The following ERG variants were observed in gnomAD, a reference collection of about 807,000 sequenced individuals.
ERG encodes ETS transcription factor ERG.
ERG carries 9 observed loss-of-function variants against 55.3 expected under a neutral mutation model. The observed-to-expected ratio is 0.16, with a 90% CI of 0.10 to 0.28. The LOEUF (loss-of-function observed/expected upper bound fraction) is 0.28, where lower values mean the gene tolerates loss of function less well. Ranked by LOEUF, ERG falls within the 10% of genes least tolerant of loss-of-function variation. ERG has a pLI of 1.00. For synonymous variants in ERG, 223 were observed against 237.3 expected, an observed-to-expected ratio of 0.94 and a Z score of 0.55; for missense variants, 434 against 631.6, an observed-to-expected ratio of 0.69 and a Z score of 3.35.
At chr21:38,512,074 C>T (rs976209033) in intron 2 of ERG, among the ~76,000 whole-genome samples, 3 of 152,222 alleles carry the variant, frequency 2.0e-5, no homozygotes, top group Admixed American at 6.5e-5. Flanking sequence ...GATAGATTGA[C>T]CTGAAAAAAT....
At chr21:38,367,467 T>A in the ERG span, among the ~76,000 whole-genome samples, 5 of 152,152 alleles carry the variant, frequency 3.3e-5, no homozygotes, top group African/African-American at 4.8e-5. Flanking sequence ...ACAGGAGGCT[T>A]CATTTCCTCA....
intron 1 of ERG, among the ~76,000 whole-genome samples, chr21:38,457,050 C>A (rs888633211): frequency 6.6e-6 from 1 of 152,176 alleles, no homozygotes; most frequent in Non-Finnish European, 1.5e-5. Flanking sequence ...GGAGAGCAAT[C>A]CCTCCAACAA....
chr21:38,503,335 T>G (rs2059435168), upstream of ERG, among the ~76,000 whole-genome samples: 2 of 151,968 alleles, frequency 1.3e-5, no homozygotes, highest in Non-Finnish European at 2.9e-5. Context: ...AAATGCCTGT[T>G]CTTTTTTAAA....
rs560171049 is a variant in ERG at position 38,418,636 on chromosome 21, C to T, written c.388+4774G>A. ...GTGGTTCTGACCATACTTTGAAAAA[C>T]ACTTTCTAGGCCAGGCGTGGTGGTT... On this transcript the variant is annotated intron_variant, in intron 3 of 9. Coordinates refer to ENST00000288319, the MANE Select transcript of ERG (RefSeq NM_182918.4). Among the ~76,000 whole-genome samples, 5 of 151,730 alleles carry T rather than the reference C, an allele frequency of 3.3e-5. No individual in the cohort carries two copies. The South Asian group carries it at 8.4e-4, about 26-fold the overall frequency.
chr21:38,628,324 C>T (rs920416324), intron 1 of ERG, among the ~76,000 whole-genome samples: 2 of 152,056 alleles, frequency 1.3e-5, no homozygotes, highest in Non-Finnish European at 2.9e-5. Context: ...TCATTAGAAA[C>T]AAAGACCACA....
At position 38,460,250 on chromosome 21, in the gene ERG, C is replaced by A. The variant is rs1169695388; in HGVS notation, c.19-14629G>T. On this transcript the variant is annotated intron_variant, in intron 1 of 9. Coordinates refer to ENST00000288319, the MANE Select transcript of ERG (RefSeq NM_182918.4). This position sits in a 1 kb window ranked among gnomAD's most constrained non-coding sequence, Gnocchi z 5.0. ...GCGAAAGAAAGAACCAGGAGGTGAA[C>A]CAGGAAAGGCTGGGGGTGGTAGAGC... Among the ~76,000 whole-genome samples, 2 of 152,066 alleles carry A rather than the reference C, an allele frequency of 1.3e-5. No individual in the cohort carries two copies. The highest frequency in any genetic ancestry group is 2.9e-5 in the Non-Finnish European group (2 of 68,010).
chr21:38,615,698 G>A (rs538674378), intron 1 of ERG, among the ~76,000 whole-genome samples: 3 of 151,262 alleles, frequency 2.0e-5, no homozygotes, highest in Non-Finnish European at 4.4e-5. Context: ...TATTTAGAGT[G>A]TCTGGCAGTG....
chr21:38,435,625 C>A (rs1455002966), intron 2 of ERG, among the ~76,000 whole-genome samples: 1 of 152,210 alleles, frequency 6.6e-6, no homozygotes, highest in Non-Finnish European at 1.5e-5. Context: ...AAAGTCACCA[C>A]CAGCTCACCA....
At chr21:38,480,723 A>C (rs949584753) in intron 1 of ERG, among the ~76,000 whole-genome samples, 13 of 150,820 alleles carry the variant, frequency 8.6e-5, no homozygotes, top group African/African-American at 3.2e-4. Context: ...AGTAATACTA[A>C]TTTTGCAAAA....
intron 1 of ERG, chr21:38,575,853 C>G: frequency 1.2e-6 from 1 of 845,728 alleles, no homozygotes; most frequent in Non-Finnish European, 1.9e-6. Context: ...AGAATCATAG[C>G]TTTACATTAA....
chr21:38,445,189 T>C (rs2058879969), intron 2 of ERG, among the ~76,000 whole-genome samples: 1 of 149,966 alleles, frequency 6.7e-6, no homozygotes, highest in African/African-American at 2.5e-5. Flanking sequence ...TCGCCCAGGC[T>C]GGAGTGCAGT....
chr21:38,593,846 T>C (rs1215474497), intron 1 of ERG, among the ~76,000 whole-genome samples: 2 of 152,184 alleles, frequency 1.3e-5, no homozygotes, highest in Admixed American at 1.3e-4. Context: ...TTAGATAAAA[T>C]TTATTCTTTC....
chr21:38,566,956 C>T (rs1257679361), intron 2 of ERG, among the ~76,000 whole-genome samples: 4 of 152,198 alleles, frequency 2.6e-5, no homozygotes, highest in African/African-American at 9.7e-5. Context: ...CAACTTCCAC[C>T]CATTCTCCTG....
chr21:38,446,935 C>A, intron 1 of ERG, among the ~76,000 whole-genome samples: 1 of 151,992 alleles, frequency 6.6e-6, no homozygotes, highest in Admixed American at 6.6e-5. Flanking sequence ...CATTTTTTTC[C>A]TTTGGGACAT....
At chr21:38,593,902 CA>C (rs1439138809) in intron 1 of ERG, among the ~76,000 whole-genome samples, 2 of 151,856 alleles carry the variant, frequency 1.3e-5, no homozygotes, top group African/African-American at 4.8e-5. Flanking sequence ...TATAGAGAGG[CA>C]GATAGAGGTG....
chr21:38,564,592 T>C (rs1219736630), intron 2 of ERG, among the ~76,000 whole-genome samples: 2 of 152,122 alleles, frequency 1.3e-5, no homozygotes, highest in Admixed American at 6.5e-5. Flanking sequence ...TCTCTCTTTT[T>C]TTTTGTTCAT....
chr21:38,469,391 T>C lies in ERG; in HGVS notation c.19-23770A>G, dbSNP rs145908081. ...CATTACCTGAAAAATTCCCATCTGT[T>C]TGGATGCAAACTTCACAGAAACTCT... On this transcript the variant is annotated intron_variant, in intron 1 of 9. Transcript: ENST00000288319. Among the ~76,000 whole-genome samples the C allele has an allele frequency of 6.7e-3, 1,025 of 152,302 alleles. 6 individuals are homozygous for C. Among genetic ancestry groups the C allele is most frequent in the Non-Finnish European group, 8.7e-3 (593 of 68,024 alleles).
intron 1 of ERG, among the ~76,000 whole-genome samples, chr21:38,449,967 G>A (rs1477051598): frequency 2.0e-5 from 3 of 151,980 alleles, no homozygotes; most frequent in East Asian, 1.9e-4. Flanking sequence ...TAGGCCTCTC[G>A]AGAATTGGAT....
rs1988549459 is a variant in ERG, at chr21:38,402,618, A to G, written c.612T>C (p.Thr204=). The change falls in exon 5 of 10, where the codon ACT becomes ACC. Residue 204 remains threonine (T), a synonymous_variant. Transcript: ENST00000288319. Reference sequence around the variant, plus strand: ...GTAAGGCTTTATCAACATCATCTGAAGTCAAATGTGGAAGAGGAGCTACAA... The same window carrying G: ...GTAAGGCTTTATCAACATCATCTGAGGTCAAATGTGGAAGAGGAGCTACAA... ...YLRETPLPHL[T]SDDVDKALQN... is the part of the protein sequence containing the mutation. The G allele has an allele frequency of 6.2e-6, 10 of 1,603,446 alleles. No individual in the cohort carries two copies. Among genetic ancestry groups the G allele is most frequent in the African/African-American group, 1.3e-5 (1 of 74,194 alleles).
Sources: allele counts gnomAD v4.1 joint callset (sites outside exome capture counted in the v4.1 genomes callset), GRCh38; gene constraint gnomAD v4.1.1; non-coding constraint Gnocchi (gnomAD v3.1); transcripts MANE v1.5; gene names NCBI Gene and HGNC (gene_info 2026-07-23, HGNC 2026-07-21).